FAM177A1: variants seen among roughly 807,000 people sequenced by gnomAD.
FAM177A1 encodes protein FAM177A1.
Under a neutral mutation model 26.1 loss-of-function variants are expected in FAM177A1, and 22 were observed. That is an observed-to-expected ratio of 0.84 (90% CI 0.60 to 1.20). FAM177A1 has a LOEUF of 1.20. Ranked by LOEUF, FAM177A1 falls within the 50% of genes most tolerant of loss-of-function variation. The pLI, the probability that FAM177A1 is intolerant of heterozygous loss-of-function variation, is 0.00. For missense variants in FAM177A1, 296 were observed against 291.1 expected, an observed-to-expected ratio of 1.02 and a Z score of -0.12; for synonymous variants, 95 against 99.3, an observed-to-expected ratio of 0.96 and a Z score of 0.26.
chr14:35,046,806 C>T (rs895364592), intron 1 of FAM177A1, 178 bp downstream of exon 1: 3 of 1,378,226 alleles, frequency 2.2e-6, no homozygotes, highest in Non-Finnish European at 1.9e-6. Flanking sequence ...AGGAGCGCCC[C>T]CCGCCTCACT....
chr14:35,071,218 C>T (rs777473860), intron 2 of FAM177A1, among the ~76,000 whole-genome samples: 2 of 151,832 alleles, frequency 1.3e-5, no homozygotes, highest in Admixed American at 6.6e-5. Flanking sequence ...AGGATGGTCT[C>T]GATCTCTTGA....
chr14:35,080,243 T>C (rs181811264), intron 4 of FAM177A1, among the ~76,000 whole-genome samples: 1 of 152,352 alleles, frequency 6.6e-6, no homozygotes, highest in East Asian at 1.9e-4. Flanking sequence ...TTAACTTCCC[T>C]ACTAAGTTGT....
chr14:35,072,872 A>G (rs1389720751), intron 2 of FAM177A1, among the ~76,000 whole-genome samples: 1 of 151,916 alleles, frequency 6.6e-6, no homozygotes, highest in African/African-American at 2.4e-5. Context: ...TTTCATATCT[A>G]CCATATCTTT....
chr14:35,077,801 C>G (rs1167389935), intron 3 of FAM177A1, among the ~76,000 whole-genome samples: 1 of 152,150 alleles, frequency 6.6e-6, no homozygotes, highest in African/African-American at 2.4e-5. Context: ...TAAACCCTTT[C>G]TCTTAACAGC....
intron 2 of FAM177A1, among the ~76,000 whole-genome samples, chr14:35,065,894 CTTGGCCAGACTGGTCAACAGGAG>C (rs2045234074): frequency 6.6e-6 from 1 of 151,726 alleles, no homozygotes. Context: ...ATTTCACCAT[CTTGGCCAGACTGGTCAACAGGAG>C]TTGGCCAGAC....
At chr14:35,048,588 A>G (rs1242428035) in intron 1 of FAM177A1, among the ~76,000 whole-genome samples, 1 of 149,686 alleles carries the variant, frequency 6.7e-6, no homozygotes. Flanking sequence ...TAAATATTAA[A>G]TATCTCTTCT....
intron 2 of FAM177A1, among the ~76,000 whole-genome samples, chr14:35,056,532 T>C (rs907477165): frequency 1.3e-5 from 2 of 152,010 alleles, no homozygotes; most frequent in Non-Finnish European, 2.9e-5. Context: ...ATTTTTTTTG[T>C]ATTTTTAGTA....
At chr14:35,057,940 A>G (rs752268803) in intron 2 of FAM177A1, among the ~76,000 whole-genome samples, 1 of 152,132 alleles carries the variant, frequency 6.6e-6, no homozygotes, top group Non-Finnish European at 1.5e-5. Context: ...CTTGAGAAGA[A>G]TGTATATTCT....
chr14:35,069,323 T>C (rs2045283978), intron 2 of FAM177A1, among the ~76,000 whole-genome samples: 1 of 150,746 alleles, frequency 6.6e-6, no homozygotes, highest in Non-Finnish European at 1.5e-5. Flanking sequence ...TTCACTCTTA[T>C]TGCCGAGGCT....
At chr14:35,047,997 C>T (rs1315232462) in intron 1 of FAM177A1, among the ~76,000 whole-genome samples, 2 of 152,104 alleles carry the variant, frequency 1.3e-5, no homozygotes, top group African/African-American at 4.8e-5. Context: ...AGCAAGAACC[C>T]ATCTCTTAAA....
chr14:35,052,977 T>C (rs1188531270), intron 1 of FAM177A1, among the ~76,000 whole-genome samples: 1 of 152,250 alleles, frequency 6.6e-6, no homozygotes, highest in Admixed American at 6.5e-5. Context: ...ATCTTTTTAC[T>C]ATCAGAAATC....
intron 1 of FAM177A1, among the ~76,000 whole-genome samples, chr14:35,051,405 C>T (rs1033288239): frequency 6.6e-6 from 1 of 152,020 alleles, no homozygotes; most frequent in African/African-American, 2.4e-5. Context: ...GCCTGAGCCA[C>T]AGCACCCAGC....
intron 1 of FAM177A1, among the ~76,000 whole-genome samples, chr14:35,047,915 A>C (rs1026843545): frequency 1.3e-5 from 2 of 152,204 alleles, no homozygotes; most frequent in Admixed American, 1.3e-4. Context: ...AACTGTGAGT[A>C]TATCTCTGTG....
chr14:35,049,699 C>T (rs1477503321), intron 1 of FAM177A1, among the ~76,000 whole-genome samples: 1 of 152,084 alleles, frequency 6.6e-6, no homozygotes, highest in Non-Finnish European at 1.5e-5. Flanking sequence ...GCAGGAGAAT[C>T]GCTGAAACCC....
At position 35,083,016 on chromosome 14, in the gene FAM177A1, A is replaced by G. The variant is rs1448483625; in HGVS notation, c.*1788A>G. Reference sequence around the variant, plus strand: ...CTTTTGATTATATAATGTCCCATGAATTATAGTTTACCAATAGTTCTAAAA... The same window carrying G: ...CTTTTGATTATATAATGTCCCATGAGTTATAGTTTACCAATAGTTCTAAAA... On this transcript the variant is annotated 3_prime_UTR_variant, in exon 5 of 5. Coordinates refer to ENST00000280987, the MANE Select transcript of FAM177A1 (RefSeq NM_173607.5). The G allele has an allele frequency of 6.6e-6, 1 of 152,228 alleles. No individual in the cohort carries two copies. Among genetic ancestry groups the G allele is most frequent in the Non-Finnish European group, 1.5e-5 (1 of 68,022 alleles). The allele number at this position is 152,228 out of a possible 1,614,324, so 9.4% of individuals were successfully genotyped here. A position where few individuals can be genotyped will look rare whatever the true frequency, so the allele number is the denominator to read the frequency against.
intron 1 of FAM177A1, among the ~76,000 whole-genome samples, chr14:35,051,829 T>G (rs1374606791): frequency 6.6e-6 from 1 of 152,228 alleles, no homozygotes; most frequent in Non-Finnish European, 1.5e-5. Flanking sequence ...CTTAGAAGAT[T>G]AAGATGAAAC....
intron 4 of FAM177A1, among the ~76,000 whole-genome samples, chr14:35,080,651 A>C (rs1251369547): frequency 6.6e-6 from 1 of 152,080 alleles, no homozygotes; most frequent in Non-Finnish European, 1.5e-5. Context: ...AAATACAAAA[A>C]TTAGCTGGGC....
At chr14:35,076,002 A>G (rs1304943692) in intron 2 of FAM177A1, among the ~76,000 whole-genome samples, 1 of 152,200 alleles carries the variant, frequency 6.6e-6, no homozygotes, top group African/African-American at 2.4e-5. Context: ...TGGGAGTGTA[A>G]ACTAGTTCAA....
chr14:35,062,810 AAAG>A (rs1367187331), intron 2 of FAM177A1, among the ~76,000 whole-genome samples: 1 of 150,948 alleles, frequency 6.6e-6, no homozygotes, highest in Non-Finnish European at 1.5e-5. Flanking sequence ...AAAAAAAAGA[AAAG>A]AAAAATATAT....
Sources: allele counts gnomAD v4.1 joint callset (sites outside exome capture counted in the v4.1 genomes callset), GRCh38; gene constraint gnomAD v4.1.1; transcripts MANE v1.5; gene names NCBI Gene and HGNC (gene_info 2026-07-23, HGNC 2026-07-21).